SANBR: variants seen among roughly 807,000 people sequenced by gnomAD.
SANBR encodes SANT and BTB domain regulator of CSR, also known as SANT and BTB domain regulator of class switch recombination.
In SANBR, 77 loss-of-function variants were observed where a neutral mutation model predicts 101.8. The ratio of observed to expected loss-of-function variants is 0.76; its 90% CI spans 0.63 to 0.91. SANBR has a LOEUF of 0.91. Ranked by LOEUF, SANBR falls within the 40% of genes least tolerant of loss-of-function variation. SANBR has a pLI of 0.00. For missense variants in SANBR, 875 were observed against 853.0 expected (o/e 1.03, Z -0.32); for synonymous variants, 279 against 274.7 (o/e 1.02, Z -0.15).
intron 6 of SANBR, among the ~76,000 whole-genome samples, chr2:61,080,836 T>C (rs1682082728): frequency 6.6e-6 from 1 of 152,202 alleles, no homozygotes; most frequent in South Asian, 2.1e-4. Flanking sequence ...TTTAGAATTG[T>C]GTTAGTACTG....
intron 12 of SANBR, among the ~76,000 whole-genome samples, 169 bp downstream of exon 12, chr2:61,098,021 C>T (rs1427545841): frequency 6.6e-6 from 1 of 150,558 alleles, no homozygotes; most frequent in African/African-American, 2.4e-5. Context: ...TTAATGGTTT[C>T]CTTTTAGACC....
chr2:61,113,529 C>G (rs1436446998), intron 16 of SANBR, among the ~76,000 whole-genome samples: 1 of 152,132 alleles, frequency 6.6e-6, no homozygotes, highest in Non-Finnish European at 1.5e-5. Context: ...TTTCAGTGTA[C>G]AGGTGTTGAA....
At chr2:61,104,272 G>A (rs1683435077) in intron 13 of SANBR, among the ~76,000 whole-genome samples, 1 of 152,026 alleles carries the variant, frequency 6.6e-6, no homozygotes, top group Non-Finnish European at 1.5e-5. Flanking sequence ...CACGAGGTCA[G>A]GAGATCGAGA....
At chr2:61,068,227 A>G (rs1314700859) in intron 1 of SANBR, among the ~76,000 whole-genome samples, 1 of 152,152 alleles carries the variant, frequency 6.6e-6, no homozygotes, top group Non-Finnish European at 1.5e-5. Context: ...GTTTTCATCA[A>G]ACTCAGCCTG....
At position 61,081,501 on chromosome 2, in the gene SANBR, G is replaced by T. The variant is rs1285058349; in HGVS notation, c.720G>T (p.Met240Ile). 1.3e-6 allele frequency: 2 copies of T among 1,568,908 alleles called. No homozygotes were observed. ...TTATTTCTTCGGAGTTTTTAAAAAT[G>T]GATTCACTAGTAAGTATTGACTTAA... is the stretch of plus-strand genomic sequence containing the variant. ...SILISSEFLK[M>I]DSLVEQCIQY... Residue 240 changes from methionine (M) to isoleucine (I), a missense_variant, in exon 7 of 22, where the codon ATG (methionine) becomes ATT (isoleucine). Met to Ile is a conservative substitution (Grantham distance 10). Transcript: ENST00000402291.
intron 19 of SANBR, 29 bp downstream of exon 19, chr2:61,117,569 A>C: frequency 6.5e-7 from 1 of 1,538,980 alleles, no homozygotes; most frequent in East Asian, 2.2e-5. Context: ...GTAATGTACA[A>C]ATTGGATGTA....
chr2:61,101,416 T>C (rs766160645), intron 12 of SANBR, among the ~76,000 whole-genome samples: 4 of 152,232 alleles, frequency 2.6e-5, no homozygotes, highest in Non-Finnish European at 5.9e-5. Flanking sequence ...TCGAGCAAAA[T>C]ATATTTCTTT....
intron 11 of SANBR, among the ~76,000 whole-genome samples, chr2:61,095,744 T>C (rs750263875): frequency 3.9e-4 from 60 of 152,122 alleles, no homozygotes; most frequent in Non-Finnish European, 7.8e-4. Flanking sequence ...CCTGGTGCAG[T>C]ACTATAGCTT....
chr2:61,088,507 A>G, intron 10 of SANBR, 39 bp downstream of exon 10: 1 of 1,161,238 alleles, frequency 8.6e-7, no homozygotes, highest in Non-Finnish European at 1.2e-6. Context: ...ATTTTTGTAT[A>G]TATATATATA....
At chr2:61,095,106 T>A (rs1682969559) in intron 11 of SANBR, among the ~76,000 whole-genome samples, 1 of 152,194 alleles carries the variant, frequency 6.6e-6, no homozygotes, top group African/African-American at 2.4e-5. Flanking sequence ...ATTGATATAG[T>A]CAGGTTTGGG....
chr2:61,102,387 A>G (rs1309092722), intron 12 of SANBR, among the ~76,000 whole-genome samples: 6 of 151,858 alleles, frequency 4.0e-5, no homozygotes, highest in Admixed American at 3.9e-4. Context: ...AAAAAAAAAA[A>G]AAAAATTGGA....
chr2:61,128,248 G>C (rs1425578172), downstream of SANBR, among the ~76,000 whole-genome samples: 4 of 151,040 alleles, frequency 2.6e-5, no homozygotes, highest in South Asian at 6.3e-4. Context: ...CCCCAGCCTG[G>C]GTGACACAGC....
intron 21 of SANBR, among the ~76,000 whole-genome samples, chr2:61,121,862 T>A (rs1160210017): frequency 6.6e-6 from 1 of 152,212 alleles, no homozygotes; most frequent in African/African-American, 2.4e-5. Context: ...CCATTTATAT[T>A]TTTTATTCAT....
chr2:61,088,572 T>TTCAACA, intron 10 of SANBR, 104 bp downstream of exon 10: 1 of 725,092 alleles, frequency 1.4e-6, no homozygotes, highest in Non-Finnish European at 2.1e-6. Context: ...CAGGCTGGCG[T>TTCAACA]GCAGTGGTGT....
In SANBR at chr2:61,070,460, A is replaced by G; in HGVS notation, c.110A>G (p.Glu37Gly). The G allele has an allele frequency of 1.2e-6, 2 of 1,603,284 alleles. No individual in the cohort carries two copies. Among genetic ancestry groups the G allele is most frequent in the South Asian group, 1.1e-5 (1 of 89,024 alleles). ...GGAATCCCTCAGACTATCAACTGGG[A>G]AACTATAGCAAGGCTCGTGCCTGGA... ...LIGIPQTINWETIARLVPGLT... is the reference protein window; with the variant it reads ...LIGIPQTINWGTIARLVPGLT... Residue 37 changes from glutamate to glycine, a missense_variant, in exon 3 of 22, where the codon GAA becomes GGA. Transcript: ENST00000402291.
chr2:61,096,680 C>T (rs1008508162), intron 11 of SANBR, among the ~76,000 whole-genome samples: 11 of 152,122 alleles, frequency 7.2e-5, no homozygotes, highest in African/African-American at 2.4e-4. Context: ...TCCCTAGTAG[C>T]TGGAGTGACA....
intron 20 of SANBR, among the ~76,000 whole-genome samples, chr2:61,119,561 A>G (rs1260500511): frequency 6.6e-6 from 1 of 152,242 alleles, no homozygotes; most frequent in Non-Finnish European, 1.5e-5. Flanking sequence ...TGGGCAAAAG[A>G]GTAAACAGAC....
At chr2:61,078,482 T>A (rs57618008) in intron 6 of SANBR, among the ~76,000 whole-genome samples, 1 of 151,778 alleles carries the variant, frequency 6.6e-6, no homozygotes, top group Non-Finnish European at 1.5e-5. Flanking sequence ...AGTGCAACGG[T>A]GCAATCTCAG....
chr2:61,069,732 A>G (rs1173426824), intron 2 of SANBR: 2 of 152,380 alleles, frequency 1.3e-5, no homozygotes, highest in Non-Finnish European at 2.9e-5. Context: ...GATATAAAAA[A>G]GTTCCTCAAA....
Sources: allele counts gnomAD v4.1 joint callset (sites outside exome capture counted in the v4.1 genomes callset), GRCh38; gene constraint gnomAD v4.1.1; transcripts MANE v1.5; gene names NCBI Gene and HGNC (gene_info 2026-07-23, HGNC 2026-07-21).